The following RBFOX1 variants were observed in gnomAD, a reference collection of about 807,000 sequenced individuals.
The protein encoded by RBFOX1 is RNA binding protein fox-1 homolog 1.
A neutral mutation model predicts 57.7 loss-of-function variants in RBFOX1; 8 were observed. That is an observed-to-expected ratio of 0.14 (90% CI 0.08 to 0.25). The LOEUF (loss-of-function observed/expected upper bound fraction) is 0.25, where lower values mean the gene tolerates loss of function less well. RBFOX1 is among the 10% of genes least tolerant of loss of function. RBFOX1 has a pLI of 1.00. For synonymous variants in RBFOX1, 326 were observed against 222.4 expected (o/e 1.47, Z -4.15); for missense variants, 611 against 548.5 (o/e 1.11, Z -1.14).
At chr16:6,347,974 G>C (rs1023767109) in intron 2 of RBFOX1, among the ~76,000 whole-genome samples, 3 of 152,212 alleles carry the variant, frequency 2.0e-5, no homozygotes, top group African/African-American at 7.2e-5. Context: ...ATACAAGAAA[G>C]CAGGAAAACA....
intron 4 of RBFOX1, among the ~76,000 whole-genome samples, chr16:7,277,373 T>C (rs956565755): frequency 1.3e-5 from 2 of 152,198 alleles, no homozygotes; most frequent in East Asian, 1.9e-4. Context: ...AAACCTTTCC[T>C]GAATTGCCTA....
chr16:6,132,080 A>C (rs571920938), intron 1 of RBFOX1, among the ~76,000 whole-genome samples: 1 of 152,134 alleles, frequency 6.6e-6, no homozygotes, highest in South Asian at 2.1e-4. Context: ...TTAGTTCACA[A>C]AGGAGCGAGA....
At chr16:7,381,798 G>T (rs1280357864) in intron 4 of RBFOX1, among the ~76,000 whole-genome samples, 1 of 152,138 alleles carries the variant, frequency 6.6e-6, no homozygotes, top group Non-Finnish European at 1.5e-5. Flanking sequence ...CTCCACCTTG[G>T]CAGTGTGGAC....
chr16:6,205,090 G>A (rs1022741581), intron 1 of RBFOX1, among the ~76,000 whole-genome samples: 1 of 152,134 alleles, frequency 6.6e-6, no homozygotes, highest in Non-Finnish European at 1.5e-5. Context: ...CAGAAGCTCT[G>A]TCACCAGGCC....
intron 3 of RBFOX1, among the ~76,000 whole-genome samples, chr16:6,749,769 CAG>C (rs1286661707): frequency 1.3e-5 from 2 of 152,160 alleles, no homozygotes; most frequent in Admixed American, 1.3e-4. Context: ...TCAGTGTTAA[CAG>C]AGCAGCCTTA....
intron 3 of RBFOX1, among the ~76,000 whole-genome samples, chr16:6,935,089 C>T (rs556483776): frequency 2.0e-5 from 3 of 150,522 alleles, no homozygotes; most frequent in East Asian, 1.9e-4. Context: ...ACCCCCATCT[C>T]GGAAAAAAAA....
rs2055234429 is a variant in RBFOX1 at position 7,063,867 on chromosome 16, A to T, written c.27+11769A>T. Among the ~76,000 whole-genome samples, 4 of 152,346 alleles carry T rather than the reference A, an allele frequency of 2.6e-5. No individual in the cohort carries two copies. In the South Asian group the frequency reaches 8.3e-4, roughly 32 times the overall value. Reference sequence around the variant, plus strand: ...TTAAAGTATGTGGGTGGATGTGCATAGGTTATATGCAAATATCACTCCATT... The same window carrying T: ...TTAAAGTATGTGGGTGGATGTGCATTGGTTATATGCAAATATCACTCCATT... On this transcript the variant is annotated intron_variant, in intron 4 of 15. Coordinates refer to ENST00000550418, the MANE Select transcript of RBFOX1 (RefSeq NM_018723.4).
chr16:6,717,723 G>A (rs1306488337), intron 3 of RBFOX1, among the ~76,000 whole-genome samples: 2 of 152,022 alleles, frequency 1.3e-5, no homozygotes, highest in African/African-American at 4.8e-5. Context: ...TTTGGTTATT[G>A]ATAATGCTGC....
chr16:7,113,589 G>A (rs2065246001), intron 4 of RBFOX1, among the ~76,000 whole-genome samples: 2 of 152,250 alleles, frequency 1.3e-5, no homozygotes, highest in Middle Eastern at 3.4e-3. Context: ...CATGATGAAT[G>A]TATGCAAATT....
chr16:5,556,250 A>G (rs1362093582), intron 2 of RBFOX1, among the ~76,000 whole-genome samples: 2 of 152,204 alleles, frequency 1.3e-5, no homozygotes, highest in Non-Finnish European at 1.5e-5. Flanking sequence ...CTTTAAGGCT[A>G]ATTCCAAGCT....
intron 3 of RBFOX1, among the ~76,000 whole-genome samples, chr16:5,733,721 CTT>C (rs1485574164): frequency 2.0e-5 from 3 of 152,060 alleles, no homozygotes; most frequent in African/African-American, 7.2e-5. Flanking sequence ...CCTCTTACCT[CTT>C]TATTCCCTTC....
intron 4 of RBFOX1, among the ~76,000 whole-genome samples, chr16:7,242,517 C>A (rs1256770816): frequency 6.6e-6 from 1 of 152,194 alleles, no homozygotes; most frequent in Non-Finnish European, 1.5e-5. Context: ...CCTCATTACA[C>A]ATTGACTAAG....
chr16:7,709,993 A>C, intron 15 of RBFOX1: 1 of 1,008,678 alleles, frequency 9.9e-7, no homozygotes. Context: ...AGAAAAAGGA[A>C]ATCGTTAAGT....
chr16:6,782,534 T>C (rs375597195), intron 3 of RBFOX1, among the ~76,000 whole-genome samples: 1 of 152,084 alleles, frequency 6.6e-6, no homozygotes, highest in African/African-American at 2.4e-5. Context: ...TCCCGGGATT[T>C]TTATGTCCAA....
At chr16:5,841,383 C>G (rs1020489062) in intron 3 of RBFOX1, among the ~76,000 whole-genome samples, 6 of 152,202 alleles carry the variant, frequency 3.9e-5, no homozygotes, top group Admixed American at 6.5e-5. Flanking sequence ...GATCATCCAT[C>G]TATCCATCAA....
chr16:5,769,631 C>T (rs2053909872), intron 3 of RBFOX1, among the ~76,000 whole-genome samples: 1 of 151,938 alleles, frequency 6.6e-6, no homozygotes, highest in African/African-American at 2.4e-5. Context: ...CTAGTCTGGG[C>T]AACAGAGTGA....
intron 4 of RBFOX1, among the ~76,000 whole-genome samples, chr16:7,228,958 A>C (rs984616274): frequency 1.3e-5 from 2 of 152,172 alleles, no homozygotes; most frequent in Non-Finnish European, 2.9e-5. Context: ...ACAAGGCTTT[A>C]TATGGAAGGT....
At chr16:5,660,811 G>C (rs1056867095) in intron 3 of RBFOX1, among the ~76,000 whole-genome samples, 2 of 152,178 alleles carry the variant, frequency 1.3e-5, no homozygotes, top group African/African-American at 4.8e-5. Flanking sequence ...GAATGAGGGC[G>C]AAGAGTAGAC....
rs2097524745 is a variant in RBFOX1, at chr16:6,580,677, C to G, written c.-63-73926C>G. Among the ~76,000 whole-genome samples the G allele has an allele frequency of 2.6e-5, 4 of 152,114 alleles. No individual in the cohort carries two copies. The South Asian group carries it at 8.3e-4, about 31-fold the overall frequency. ...ATACACAGTAAACTCAGACATAAAC[C>G]TGCAAGGTAGGCATCATTATTCTCC... On this transcript the variant is annotated intron_variant, in intron 2 of 15. Coordinates refer to ENST00000550418, the MANE Select transcript of RBFOX1 (RefSeq NM_018723.4).
Sources: gnomAD v4.1 joint callset for allele counts (sites outside exome capture counted in the v4.1 genomes callset) on GRCh38, gnomAD v4.1.1 for gene constraint, MANE v1.5 for transcripts, NCBI Gene and HGNC (gene_info 2026-07-23, HGNC 2026-07-21) for gene names.